Variants in ZNHIT6 observed in about 807,000 individuals in gnomAD.
ZNHIT6 encodes box C/D snoRNA protein 1.
In ZNHIT6, 45 loss-of-function variants were observed where a neutral mutation model predicts 57.2. The ratio of observed to expected loss-of-function variants is 0.79; its 90% CI spans 0.62 to 1.01. The LOEUF is 1.01. ZNHIT6 is among the 50% of genes least tolerant of loss of function. ZNHIT6 has a pLI of 0.00. For missense variants in ZNHIT6, 528 were observed against 567.3 expected (o/e 0.93, Z 0.70); for synonymous variants, 188 against 190.0 (o/e 0.99, Z 0.09).
At chr1:85,705,637 T>C (rs1662664761) in intron 4 of ZNHIT6, among the ~76,000 whole-genome samples, 1 of 152,210 alleles carries the variant, frequency 6.6e-6, no homozygotes, top group South Asian at 2.1e-4. Context: ...AGGTCTTTCC[T>C]TTTACTTTTG....
chr1:85,667,759 C>A (rs976359758), intron 8 of ZNHIT6, among the ~76,000 whole-genome samples: 1 of 150,070 alleles, frequency 6.7e-6, no homozygotes, highest in Non-Finnish European at 1.5e-5. Flanking sequence ...ATGGCAAAAC[C>A]CTGTCTCTCT....
rs1315580766 is a variant in ZNHIT6, at chr1:85,708,398, C to G, written c.-114G>C. ...ACGGCGGCCCACGTGTGGAGCCAAG[C>G]AGCCACAAACCCGGAATAGCCTGCT... On this transcript the variant is annotated 5_prime_UTR_variant, in exon 1 of 10. Coordinates refer to ENST00000370574, the MANE Select transcript of ZNHIT6 (RefSeq NM_017953.4). 7.4e-7 allele frequency: 1 copy of G among 1,348,492 alleles called. No homozygotes were observed. Among genetic ancestry groups the G allele is most frequent in the South Asian group, 1.4e-5 (1 of 69,058 alleles). The allele number at this position is 1,348,492 out of a possible 1,614,324, so 83.5% of individuals were successfully genotyped here.
At chr1:85,692,518 G>GA (rs1210757359) in intron 5 of ZNHIT6, among the ~76,000 whole-genome samples, 1 of 152,116 alleles carries the variant, frequency 6.6e-6, no homozygotes, top group Non-Finnish European at 1.5e-5. Context: ...TTATGGCAGA[G>GA]AAACCACAGA....
intron 6 of ZNHIT6, among the ~76,000 whole-genome samples, chr1:85,680,250 T>C (rs936082817): frequency 1.3e-5 from 2 of 152,214 alleles, no homozygotes; most frequent in African/African-American, 4.8e-5. Flanking sequence ...CAAGTTTTAA[T>C]ATGAAACAGT....
chr1:85,679,925 G>A lies in ZNHIT6; in HGVS notation c.1088+911C>T, dbSNP rs576808239. 6.6e-4 allele frequency among the ~76,000 whole-genome samples: 100 copies of A among 152,324 alleles called. 1 individual carries two copies. The highest frequency in any genetic ancestry group is 2.4e-3 in the African/African-American group (99 of 41,572). ...AAATGACACTTGAAAATGTTTATAGGCTGGATGCGGTGGCTCACACTTGTA... is the reference window on the plus strand; with the variant it reads ...AAATGACACTTGAAAATGTTTATAGACTGGATGCGGTGGCTCACACTTGTA... On this transcript the variant is annotated intron_variant, in intron 6 of 9. Coordinates refer to ENST00000370574, the MANE Select transcript of ZNHIT6 (RefSeq NM_017953.4).
At chr1:85,698,432 A>G (rs953907092) in intron 5 of ZNHIT6, among the ~76,000 whole-genome samples, 7 of 152,306 alleles carry the variant, frequency 4.6e-5, no homozygotes, top group African/African-American at 1.7e-4. Context: ...ACAATGGCAC[A>G]TTCATCACAC....
intron 5 of ZNHIT6, among the ~76,000 whole-genome samples, chr1:85,682,182 T>G (rs1661898808): frequency 6.6e-6 from 1 of 150,548 alleles, no homozygotes; most frequent in Non-Finnish European, 1.5e-5. Flanking sequence ...CGGCTAATTT[T>G]TTTTTTTTTT....
chr1:85,660,707 T>C (rs928940911), intron 8 of ZNHIT6, among the ~76,000 whole-genome samples: 3 of 152,124 alleles, frequency 2.0e-5, no homozygotes, highest in Non-Finnish European at 4.4e-5. Flanking sequence ...ACTGTAATGA[T>C]TACACTTACT....
Position 85,699,228 on chromosome 1 carries a change from A to G in ZNHIT6, c.1019+2929T>C, listed in dbSNP as rs561280497. 2.6e-4 allele frequency among the ~76,000 whole-genome samples: 39 copies of G among 152,230 alleles called. No individual in the cohort carries two copies. The South Asian group carries it at 6.4e-3, about 25-fold the overall frequency. The stretch of plus-strand genomic sequence containing the variant: ...CCTCTTTCCAGCAAATACCATTGCA[A>G]TCATCTAAAACCTTGCTCATTTTCA... On this transcript the variant is annotated intron_variant, in intron 5 of 9. Transcript: ENST00000370574.
intron 5 of ZNHIT6, 35 bp from the exon 6 acceptor site, chr1:85,680,939 A>G: frequency 6.6e-7 from 1 of 1,504,402 alleles, no homozygotes. Context: ...GAATCAAGGT[A>G]GATAATAAAA....
intron 9 of ZNHIT6, among the ~76,000 whole-genome samples, chr1:85,654,850 A>G (rs1661017877): frequency 6.6e-6 from 1 of 152,202 alleles, no homozygotes; most frequent in South Asian, 2.1e-4. Context: ...AATATAGGTT[A>G]TTTTGAGGCT....
chr1:85,688,713 T>C (rs759264035), intron 5 of ZNHIT6, among the ~76,000 whole-genome samples: 1 of 152,180 alleles, frequency 6.6e-6, no homozygotes, highest in African/African-American at 2.4e-5. Context: ...CTAATCATGG[T>C]GAAGTTCAGG....
intron 5 of ZNHIT6, among the ~76,000 whole-genome samples, chr1:85,694,426 A>G (rs141683040): frequency 9.6e-4 from 146 of 152,058 alleles, no homozygotes; most frequent in African/African-American, 3.3e-3. Context: ...ATAAGCATTC[A>G]CTGCAAAATT....
intron 5 of ZNHIT6, among the ~76,000 whole-genome samples, chr1:85,686,960 T>A (rs1662058224): frequency 6.6e-6 from 1 of 151,892 alleles, no homozygotes; most frequent in Admixed American, 6.6e-5. Context: ...CACAATTAAA[T>A]GAATAAATAA....
At position 85,702,156 on chromosome 1, in the gene ZNHIT6, C is replaced by A. The variant is rs768620478; in HGVS notation, c.1019+1G>T. The A allele has an allele frequency of 6.3e-7, 1 of 1,592,260 alleles. No homozygotes were observed. The highest frequency in any genetic ancestry group is 2.2e-5 in the East Asian group (1 of 44,638). ...GATATACTAAAAAGTTAGAAACTTA[C>A]TTCTTATCAAAAAAGGTTGAATTCT... is the stretch of plus-strand genomic sequence containing the variant. On this transcript the variant is annotated splice_donor_variant, in intron 5 of 9. Coordinates refer to ENST00000370574, the MANE Select transcript of ZNHIT6 (RefSeq NM_017953.4). LOFTEE classifies it high-confidence loss of function.
chr1:85,649,708 CAT>C lies in ZNHIT6; in HGVS notation c.*4348_*4349del, dbSNP rs2100634343. 1 of 152,210 alleles carries C rather than the reference CAT, an allele frequency of 6.6e-6. No individual in the cohort carries two copies. Among genetic ancestry groups the C allele is most frequent in the South Asian group, 2.1e-4 (1 of 4,820 alleles). 9.4% of individuals were successfully genotyped at this position (152,210 alleles called of 1,614,324 possible). ...ATTTAAGTAGTCTTCATTTTTGAAG[CAT>C]TTTCCCCTAGTACTCTAATTTCAAA... On this transcript the variant is annotated 3_prime_UTR_variant, in exon 10 of 10. Transcript: ENST00000370574.
At chr1:85,683,373 T>C (rs563902020) in intron 5 of ZNHIT6, among the ~76,000 whole-genome samples, 1 of 151,876 alleles carries the variant, frequency 6.6e-6, no homozygotes, top group Non-Finnish European at 1.5e-5. Flanking sequence ...AAAAAATTAG[T>C]CAGGTGTGGT....
intron 8 of ZNHIT6, among the ~76,000 whole-genome samples, chr1:85,669,522 C>A (rs1661492988): frequency 6.6e-6 from 1 of 152,100 alleles, no homozygotes; most frequent in Non-Finnish European, 1.5e-5. Flanking sequence ...CTAAAACCAG[C>A]ACAGGAGGAA....
In ZNHIT6 at chr1:85,707,433, C is replaced by T. The variant is rs17128114; in HGVS notation, c.656+196G>A. The stretch of plus-strand genomic sequence containing the variant: ...GGACACTACTAATTTCATGTATTTT[C>T]ACTGAATTTGTTGTGTTGTCATGTA... On this transcript the variant is annotated intron_variant, in intron 1 of 9. Coordinates refer to ENST00000370574, the MANE Select transcript of ZNHIT6 (RefSeq NM_017953.4). 9.3e-3 allele frequency among the ~76,000 whole-genome samples: 1,419 copies of T among 152,282 alleles called. 57 individuals are homozygous for T. Among genetic ancestry groups the T allele is most frequent in the Admixed American group, 0.062 (951 of 15,288 alleles).
Sources: allele counts gnomAD v4.1 joint callset (sites outside exome capture counted in the v4.1 genomes callset), GRCh38; gene constraint gnomAD v4.1.1; transcripts MANE v1.5; gene names NCBI Gene and HGNC (gene_info 2026-07-23, HGNC 2026-07-21).